F10: variants seen among roughly 807,000 people sequenced by gnomAD.
F10 encodes Stuart-Prower factor.
A neutral mutation model predicts 37.1 loss-of-function variants in F10; 29 were observed. That is an observed-to-expected ratio of 0.78 (90% CI 0.58 to 1.07). The LOEUF (loss-of-function observed/expected upper bound fraction) is 1.07, where lower values mean the gene tolerates loss of function less well. Ranked by LOEUF, F10 falls within the 50% of genes least tolerant of loss-of-function variation. The pLI is 0.00. For missense variants in F10, 539 were observed against 667.9 expected, an observed-to-expected ratio of 0.81 and a Z score of 2.13; for synonymous variants, 262 against 268.6, an observed-to-expected ratio of 0.98 and a Z score of 0.24.
Position 113,144,038 on chromosome 13 carries a change from C to T in F10, c.690C>T (p.Asn230=). The T allele has an allele frequency of 6.2e-7, 1 of 1,613,908 alleles. No homozygotes were observed. ...AGACGCAGCCTGAGAGGGGCGACAA[C>T]AACCTCACCAGGATCGTGGGAGGCC... is the stretch of plus-strand genomic sequence containing the variant. ...FNQTQPERGD[N]NLTRIVGGQE... The change falls in exon 6 of 8, where the codon AAC becomes AAT. Residue 230 remains asparagine, a synonymous_variant. Transcript: ENST00000375559. The surrounding 1 kb of genome is among the most constrained non-coding windows in gnomAD (Gnocchi z 6.4).
At position 113,143,347 on chromosome 13, in the gene F10, C is replaced by A. The variant is rs2036550218; in HGVS notation, c.503-504C>A. Among the ~76,000 whole-genome samples the A allele has an allele frequency of 6.6e-6, 1 of 152,148 alleles. No individual in the cohort carries two copies. The highest frequency in any genetic ancestry group is 2.1e-4 in the South Asian group (1 of 4,824). ...TGTGCCTCCAGTTGTTTGCGTGCGC[C>A]ATTCCTTCTGCCTGAAAACTTTTTT... On this transcript the variant is annotated intron_variant, in intron 5 of 7. Coordinates refer to ENST00000375559, the MANE Select transcript of F10 (RefSeq NM_000504.4). The surrounding 1 kb of genome is among the most constrained non-coding windows in gnomAD (Gnocchi z 6.8).
chr13:113,138,741 CT>C (rs1193075430), intron 3 of F10, among the ~76,000 whole-genome samples: 2 of 152,146 alleles, frequency 1.3e-5, no homozygotes, highest in Non-Finnish European at 1.5e-5. Flanking sequence ...TCCATGATAA[CT>C]TTTCTTAAAT....
At chr13:113,128,973 G>T (rs2036398040) in intron 1 of F10, 2 of 184,806 alleles carry the variant, frequency 1.1e-5, no homozygotes, top group Admixed American at 5.4e-5. Context: ...TACAGAATGT[G>T]GATTTCCCTG....
Position 113,143,554 on chromosome 13 carries a change from G to A in F10, c.503-297G>A, listed in dbSNP as rs2036552074. On this transcript the variant is annotated intron_variant, in intron 5 of 7. Transcript: ENST00000375559. The surrounding 1 kb of genome is among the most constrained non-coding windows in gnomAD (Gnocchi z 6.8). ...TCCGTCAAGCTTTCTTGACTTCTTG[G>A]TGCATTTTCAGGCAAACCGCAGACG... Among the ~76,000 whole-genome samples the A allele has an allele frequency of 1.3e-5, 2 of 152,088 alleles. No homozygotes were observed. Among genetic ancestry groups the A allele is most frequent in the Non-Finnish European group, 2.9e-5 (2 of 68,018 alleles).
At chr13:113,135,822 A>G (rs970739800) in intron 2 of F10, among the ~76,000 whole-genome samples, 1 of 152,232 alleles carries the variant, frequency 6.6e-6, no homozygotes, top group Admixed American at 6.5e-5. Context: ...AATTTATGAC[A>G]TGGAGCTAGG....
intron 1 of F10, among the ~76,000 whole-genome samples, chr13:113,126,190 C>G (rs2036368453): frequency 6.6e-6 from 1 of 152,086 alleles, no homozygotes; most frequent in African/African-American, 2.4e-5. Context: ...TCTAAGACCA[C>G]TAGAGGCAGA....
At chr13:113,124,490 C>A (rs958321286) in intron 1 of F10, among the ~76,000 whole-genome samples, 4 of 152,232 alleles carry the variant, frequency 2.6e-5, no homozygotes, top group Non-Finnish European at 5.9e-5. Flanking sequence ...CATGGCCAGC[C>A]CCGGAGAGCC....
intron 5 of F10, among the ~76,000 whole-genome samples, chr13:113,142,338 G>C (rs903266753): frequency 2.0e-5 from 3 of 150,866 alleles, no homozygotes; most frequent in Non-Finnish European, 4.4e-5. Flanking sequence ...TCAGGAGATC[G>C]AGACCATCCT....
chr13:113,135,604 C>A (rs1320890552), intron 2 of F10, among the ~76,000 whole-genome samples: 2 of 152,168 alleles, frequency 1.3e-5, no homozygotes, highest in East Asian at 3.8e-4. Flanking sequence ...AAGATCTCAC[C>A]CTTAATACTA....
At chr13:113,129,407 G>A (rs757153773) in intron 1 of F10, 45 bp from the exon 2 acceptor site, 1 of 1,612,048 alleles carries the variant, frequency 6.2e-7, no homozygotes, top group Non-Finnish European at 8.5e-7. Flanking sequence ...GGGAGCCTGG[G>A]TGAGGGTGAC....
rs1205667524 is a variant in F10, at chr13:113,143,649, GC to G, written c.503-200del. 1.3e-5 allele frequency among the ~76,000 whole-genome samples: 2 copies of G among 152,148 alleles called. No homozygotes were observed. The highest frequency in any genetic ancestry group is 4.8e-5 in the African/African-American group (2 of 41,420). The stretch of plus-strand genomic sequence containing the variant: ...TTCACAGGCGGTCACCTGAGGGGAG[GC>G]CAACGCTCGGACAGCTGCGCTCACC... On this transcript the variant is annotated intron_variant, in intron 5 of 7. Transcript: ENST00000375559. The surrounding 1 kb of genome is among the most constrained non-coding windows in gnomAD (Gnocchi z 6.8).
intron 2 of F10, chr13:113,131,049 G>A (rs1165460073): frequency 1.3e-5 from 2 of 152,222 alleles, no homozygotes; most frequent in Non-Finnish European, 2.9e-5. Flanking sequence ...GACTTTCTGA[G>A]AAAGCAGTGT....
chr13:113,126,758 G>A (rs761815999), intron 1 of F10, among the ~76,000 whole-genome samples: 5 of 152,212 alleles, frequency 3.3e-5, no homozygotes, highest in Non-Finnish European at 5.9e-5. Flanking sequence ...GGAGGCCCGC[G>A]AGTCCCAGTT....
rs537820503 is a variant in F10, at chr13:113,133,828, C to G, written c.231+4216C>G. Among the ~76,000 whole-genome samples, 38 of 152,220 alleles carry G rather than the reference C, an allele frequency of 2.5e-4. No individual in the cohort carries two copies. The Middle Eastern group carries it at 0.02, about 82-fold the overall frequency. On this transcript the variant is annotated intron_variant, in intron 2 of 7. Coordinates refer to ENST00000375559, the MANE Select transcript of F10 (RefSeq NM_000504.4). The stretch of plus-strand genomic sequence containing the variant: ...ATATTTTTAAAAGAGTAATAATACA[C>G]CATGACCAAGTGAGTTTTTCTGGGG...
intron 7 of F10, among the ~76,000 whole-genome samples, chr13:113,148,327 T>G (rs775791462): frequency 7.1e-4 from 80 of 113,254 alleles, no homozygotes; most frequent in Admixed American, 1.2e-3. Context: ...CAAAACTCTG[T>G]CTCAAAAAAA....
At position 113,129,933 on chromosome 13, in the gene F10, G is replaced by A. The variant is rs1166155551; in HGVS notation, c.231+321G>A. ...GTTAACCTAAAAACCAATAGTCATGGTCTCGGCCAGCGCCTCGCCGAGTTG... is the reference window on the plus strand; with the variant it reads ...GTTAACCTAAAAACCAATAGTCATGATCTCGGCCAGCGCCTCGCCGAGTTG... On this transcript the variant is annotated intron_variant, in intron 2 of 7. Coordinates refer to ENST00000375559, the MANE Select transcript of F10 (RefSeq NM_000504.4). 6 of 364,038 alleles carry A rather than the reference G, an allele frequency of 1.6e-5. No individual in the cohort carries two copies. The East Asian group carries it at 4.1e-4, about 25-fold the overall frequency. 22.6% of individuals were successfully genotyped at this position (364,038 alleles called of 1,614,324 possible).
intron 2 of F10, among the ~76,000 whole-genome samples, chr13:113,137,230 T>A (rs3211761): frequency 0.02 from 2,993 of 152,372 alleles, 97 homozygotes; most frequent in African/African-American, 0.068. Flanking sequence ...TTGTATTGAA[T>A]GAAAAGCTAG....
At chr13:113,127,767 A>C (rs1214055431) in intron 1 of F10, among the ~76,000 whole-genome samples, 1 of 152,214 alleles carries the variant, frequency 6.6e-6, no homozygotes, top group Non-Finnish European at 1.5e-5. Context: ...GGCACTTCAT[A>C]AATTGTACTA....
chr13:113,140,509 T>C (rs547290104), intron 4 of F10: 55 of 477,440 alleles, frequency 1.2e-4, no homozygotes, highest in African/African-American at 1.0e-3. Context: ...TGGTAACTTA[T>C]GAGGCATAAC....
Sources: gnomAD v4.1 joint callset for allele counts (sites outside exome capture counted in the v4.1 genomes callset) on GRCh38, gnomAD v4.1.1 for gene constraint, Gnocchi (gnomAD v3.1) non-coding constraint, MANE v1.5 for transcripts, NCBI Gene and HGNC (gene_info 2026-07-23, HGNC 2026-07-21) for gene names.